RTTN: variants seen among roughly 807,000 people sequenced by gnomAD.
RTTN encodes the protein rotatin.
RTTN carries 182 observed loss-of-function variants against 269.2 expected under a neutral mutation model. That is an observed-to-expected ratio of 0.68 (90% CI 0.60 to 0.76). RTTN has a LOEUF of 0.76. Among genes scored for constraint, RTTN ranks in the 30% least tolerant of loss-of-function variants. The probability of loss-of-function intolerance (pLI) is 0.00; values close to 1 mark genes in which losing one functional copy is unlikely to be tolerated. For missense variants in RTTN, 2,545 were observed against 2,608.6 expected, an observed-to-expected ratio of 0.98 and a Z score of 0.53; for synonymous variants, 1,006 against 963.5, an observed-to-expected ratio of 1.04 and a Z score of -0.82.
intron 12 of RTTN, among the ~76,000 whole-genome samples, chr18:70,167,431 G>A (rs2061017047): frequency 1.3e-5 from 2 of 152,168 alleles, no homozygotes. Flanking sequence ...GTGATTAACT[G>A]ACCACACAAA....
Position 70,103,120 on chromosome 18 carries a change from G to A in RTTN, c.3903+6378C>T, listed in dbSNP as rs181269907. Among the ~76,000 whole-genome samples, 19 of 150,794 alleles carry A rather than the reference G, an allele frequency of 1.3e-4. No homozygotes were observed. In the East Asian group the frequency reaches 3.0e-3, roughly 24 times the overall value. On this transcript the variant is annotated intron_variant, in intron 28 of 48. Transcript: ENST00000640769. Reference sequence around the variant, plus strand: ...ATGTGAGGAGCGCCTCTGCCCAGCCGCCACCCCGTCTGGGAAGTGAGGATC... The same window carrying A: ...ATGTGAGGAGCGCCTCTGCCCAGCCACCACCCCGTCTGGGAAGTGAGGATC...
At chr18:70,014,626 G>A (rs1231341363) in intron 46 of RTTN, among the ~76,000 whole-genome samples, 2 of 152,158 alleles carry the variant, frequency 1.3e-5, no homozygotes, top group Non-Finnish European at 2.9e-5. Flanking sequence ...AACTTTGGGT[G>A]CAGAGCCCTA....
chr18:70,092,416 ACAG>A (rs1265074454), intron 29 of RTTN, among the ~76,000 whole-genome samples, 196 bp from the exon 30 acceptor site: 1 of 152,234 alleles, frequency 6.6e-6, no homozygotes, highest in Non-Finnish European at 1.5e-5. Context: ...CAATTTTTTG[ACAG>A]AAGCTATTTT....
chr18:70,115,722 T>G (rs1163733024), intron 26 of RTTN, among the ~76,000 whole-genome samples: 1 of 151,934 alleles, frequency 6.6e-6, no homozygotes, highest in African/African-American at 2.4e-5. Flanking sequence ...GTCACATCAC[T>G]AGTGCATGTA....
chr18:70,112,844 C>T (rs2059507881), intron 27 of RTTN, among the ~76,000 whole-genome samples: 1 of 152,148 alleles, frequency 6.6e-6, no homozygotes, highest in African/African-American at 2.4e-5. Flanking sequence ...AACTCTTCAC[C>T]CCAAATCAAC....
intron 22 of RTTN, among the ~76,000 whole-genome samples, chr18:70,134,972 T>A (rs2060089229): frequency 2.0e-5 from 3 of 152,340 alleles, no homozygotes; most frequent in Middle Eastern, 6.8e-3. Flanking sequence ...AGTTTATATT[T>A]AGTAATGTTT....
chr18:70,028,486 AT>A (rs1446034647), intron 43 of RTTN, among the ~76,000 whole-genome samples: 4 of 152,206 alleles, frequency 2.6e-5, no homozygotes, highest in African/African-American at 9.6e-5. Context: ...AACATTTAAA[AT>A]ACCTAAGAGT....
At chr18:70,023,198 G>A (rs1255971623) in intron 44 of RTTN, among the ~76,000 whole-genome samples, 1 of 152,156 alleles carries the variant, frequency 6.6e-6, no homozygotes, top group African/African-American at 2.4e-5. Flanking sequence ...TCCCAGTCAA[G>A]ACTTCAGATG....
intron 4 of RTTN, 67 bp from the exon 5 acceptor site, chr18:70,199,571 A>G: frequency 1.7e-6 from 2 of 1,163,818 alleles, no homozygotes; most frequent in Non-Finnish European, 1.3e-6. Flanking sequence ...CAATGTTAAG[A>G]GTAAGTTTTC....
At chr18:70,061,369 A>T in intron 35 of RTTN, 1 of 456,120 alleles carries the variant, frequency 2.2e-6, no homozygotes, top group East Asian at 6.9e-5. Flanking sequence ...CCAAGCTCTA[A>T]AATTGGATAT....
chr18:70,081,038 T>C (rs950016102), intron 32 of RTTN, among the ~76,000 whole-genome samples: 4 of 151,706 alleles, frequency 2.6e-5, no homozygotes, highest in African/African-American at 7.3e-5. Flanking sequence ...CTGGATGAGA[T>C]TGGAGACTAT....
In RTTN at chr18:70,024,863, GA is replaced by G; in HGVS notation, c.5824-16del. 6.2e-7 allele frequency: 1 copy of G among 1,608,448 alleles called. No individual in the cohort carries two copies. The highest frequency in any genetic ancestry group is 1.1e-5 in the South Asian group (1 of 89,826). ...AGAGCTGCTTCCTGTTGAAGGAAGG[GA>G]AAAAGACAGCATTAGTCTGAATATA... On this transcript the variant is annotated splice_polypyrimidine_tract_variant and intron_variant, in intron 43 of 48. Transcript: ENST00000640769.
At chr18:70,005,038 AT>A (rs1416588515) in intron 48 of RTTN, among the ~76,000 whole-genome samples, 159 bp downstream of exon 48, 8 of 152,274 alleles carry the variant, frequency 5.3e-5, no homozygotes, top group African/African-American at 1.9e-4. Flanking sequence ...TCATCTATCT[AT>A]TTTATTATTT....
chr18:70,092,155 T>C lies in RTTN; in HGVS notation c.4098A>G (p.Gln1366=). Residue 1366 remains glutamine, a synonymous_variant, in exon 30 of 49, where the codon CAA becomes CAG. Coordinates refer to ENST00000640769, the MANE Select transcript of RTTN (RefSeq NM_173630.4). ...SHSEEHIPTQ[Q]GLAWLIPLWV... ...ATAATGGAATCAACCAAGCCAATCCTTGTTGAGTAGGAATATGTTCTTCAC... is the reference window on the plus strand; with the variant it reads ...ATAATGGAATCAACCAAGCCAATCCCTGTTGAGTAGGAATATGTTCTTCAC... 6.2e-7 allele frequency: 1 copy of C among 1,613,656 alleles called. No individual in the cohort carries two copies. Among genetic ancestry groups the C allele is most frequent in the East Asian group, 2.2e-5 (1 of 44,870 alleles).
chr18:70,150,150 C>T (rs1339214748), intron 15 of RTTN, 63 bp from the exon 16 acceptor site: 8 of 925,834 alleles, frequency 8.6e-6, no homozygotes, highest in South Asian at 1.4e-5. Context: ...TCACCTGACA[C>T]ACCTGGAACA....
intron 27 of RTTN, 105 bp downstream of exon 27, chr18:70,114,340 G>C: frequency 9.6e-7 from 1 of 1,045,352 alleles, no homozygotes; most frequent in Non-Finnish European, 1.4e-6. Flanking sequence ...GTATTTGAAA[G>C]AAGTATTTCT....
chr18:70,103,802 G>A (rs904565736), intron 28 of RTTN, among the ~76,000 whole-genome samples: 5 of 147,972 alleles, frequency 3.4e-5, no homozygotes, highest in African/African-American at 1.2e-4. Context: ...AAAAAAGAAT[G>A]TTGAATATTG....
intron 26 of RTTN, among the ~76,000 whole-genome samples, chr18:70,115,417 T>C (rs138215533): frequency 0.012 from 1,876 of 151,958 alleles, 22 homozygotes; most frequent in South Asian, 0.038. Context: ...TATAAGAGGA[T>C]TATTTCTAAT....
In RTTN at chr18:70,145,748, T is replaced by A. The variant is rs372963008; in HGVS notation, c.2345A>T (p.His782Leu). The change falls in exon 18 of 49, where the codon CAT becomes CTT. Residue 782 changes from histidine (H) to leucine (L), a missense_variant. Physicochemically the swap from His to Leu is moderately conservative, Grantham distance 99 (BLOSUM62 -3). Transcript: ENST00000640769. ...RSLALKLLAF[H>L]LTSEEGADTK... Reference sequence around the variant, plus strand: ...ATCAGCCCCTTCTTCACTGGTAAGATGGAATGCTAAAAGCTTTAATGCTAG... The same window carrying A: ...ATCAGCCCCTTCTTCACTGGTAAGAAGGAATGCTAAAAGCTTTAATGCTAG... 3.7e-6 allele frequency: 6 copies of A among 1,612,784 alleles called. No individual in the cohort carries two copies. Among genetic ancestry groups the A allele is most frequent in the Admixed American group, 1.7e-5 (1 of 59,790 alleles).
Sources: allele counts gnomAD v4.1 joint callset (sites outside exome capture counted in the v4.1 genomes callset), GRCh38; gene constraint gnomAD v4.1.1; transcripts MANE v1.5; gene names NCBI Gene and HGNC (gene_info 2026-07-23, HGNC 2026-07-21).